The following ACAT1 variants were observed in gnomAD, a reference collection of about 807,000 sequenced individuals.
ACAT1 encodes the protein acetyl-CoA acetyltransferase 1.
Under a neutral mutation model 47.3 loss-of-function variants are expected in ACAT1, and 28 were observed. That is an observed-to-expected ratio of 0.59 (90% confidence interval 0.44 to 0.81). The LOEUF is 0.81. Ranked by LOEUF, ACAT1 falls within the 30% of genes least tolerant of loss-of-function variation. The probability of loss-of-function intolerance (pLI) is 0.00; values close to 1 mark genes in which losing one functional copy is unlikely to be tolerated. For missense variants in ACAT1, 469 were observed against 524.3 expected (o/e 0.89, Z 1.03); for synonymous variants, 181 against 173.6 (o/e 1.04, Z -0.34).
upstream of ACAT1, among the ~76,000 whole-genome samples, chr11:108,119,047 GTCAC>G (rs1221647460): frequency 6.6e-6 from 1 of 152,286 alleles, no homozygotes; most frequent in Admixed American, 6.5e-5. Flanking sequence ...TTGCAACTGT[GTCAC>G]TAACTACTAG....
chr11:108,136,681 C>CA (rs1405228649), intron 5 of ACAT1: 2 of 152,144 alleles, frequency 1.3e-5, no homozygotes, highest in Non-Finnish European at 2.9e-5. Flanking sequence ...CCTTAGAAAA[C>CA]AGTCAGTTTT....
chr11:108,125,875 G>A (rs1357416149), intron 1 of ACAT1, among the ~76,000 whole-genome samples: 2 of 150,624 alleles, frequency 1.3e-5, no homozygotes, highest in African/African-American at 2.4e-5. Context: ...GCAGTGAGCC[G>A]AGATCGCGCC....
intron 5 of ACAT1, among the ~76,000 whole-genome samples, chr11:108,137,300 G>A (rs1372931849): frequency 6.6e-6 from 1 of 152,156 alleles, no homozygotes; most frequent in East Asian, 1.9e-4. Context: ...TGGTGTCTCT[G>A]GAGAGCTTTA....
chr11:108,146,066 A>T, intron 10 of ACAT1, 136 bp from the exon 11 acceptor site: 1 of 833,436 alleles, frequency 1.2e-6, no homozygotes, highest in Non-Finnish European at 1.9e-6. Flanking sequence ...ATCTGAAAAT[A>T]GAGATCCTTC....
intron 1 of ACAT1, chr11:108,128,002 C>G (rs2077284822): frequency 6.6e-6 from 1 of 151,606 alleles, no homozygotes; most frequent in Non-Finnish European, 1.5e-5. Flanking sequence ...GACTCTGTCT[C>G]TACAAAACAA....
intron 1 of ACAT1, among the ~76,000 whole-genome samples, chr11:108,122,629 A>G (rs970456494): frequency 1.3e-5 from 2 of 152,348 alleles, no homozygotes. Flanking sequence ...AAGAGATTGT[A>G]AAAGAACCAG....
At chr11:108,120,601 G>A (rs1390254292), upstream of ACAT1, among the ~76,000 whole-genome samples, 5 of 151,946 alleles carry the variant, frequency 3.3e-5, no homozygotes, top group African/African-American at 4.8e-5. Context: ...GTTTTCTCTC[G>A]TTTCTGTGGA....
upstream of ACAT1, among the ~76,000 whole-genome samples, chr11:108,120,048 G>A (rs747379042): frequency 1.3e-5 from 2 of 151,876 alleles, no homozygotes; most frequent in Admixed American, 6.6e-5. Context: ...GTGAAAACCC[G>A]TCTCTACTAA....
chr11:108,146,420 T>C, intron 11 of ACAT1, 61 bp downstream of exon 11: 1 of 1,572,870 alleles, frequency 6.4e-7, no homozygotes, highest in Non-Finnish European at 8.7e-7. Flanking sequence ...TAGCTAAACT[T>C]AAAACTGCTT....
At chr11:108,132,415 C>CA (rs1266278545) in intron 2 of ACAT1, among the ~76,000 whole-genome samples, 2 of 152,170 alleles carry the variant, frequency 1.3e-5, no homozygotes, top group African/African-American at 4.8e-5. Flanking sequence ...TCTAAGCAAC[C>CA]ATTCTGTTAT....
intron 7 of ACAT1, 85 bp from the exon 8 acceptor site, chr11:108,141,520 C>G: frequency 1.0e-6 from 1 of 963,106 alleles, no homozygotes; most frequent in Non-Finnish European, 1.6e-6. Context: ...AAGGGAGGCA[C>G]AGACTACTAG....
At position 108,131,839 on chromosome 11, in the gene ACAT1, C is replaced by G; in HGVS notation, c.73-68C>G. 4 of 747,954 alleles carry G rather than the reference C, an allele frequency of 5.3e-6. No homozygotes were observed. In the South Asian group the frequency reaches 1.1e-4, roughly 20 times the overall value. 46.3% of individuals were successfully genotyped at this position (747,954 alleles called of 1,614,324 possible). A position where few individuals can be genotyped will look rare whatever the true frequency, so the allele number is the denominator to read the frequency against. ...GGAAGAAACCACTATAACCTTATCA[C>G]TGAGAAATATAAAATGATATAGTTT... is the stretch of plus-strand genomic sequence containing the variant. On this transcript the variant is annotated intron_variant, in intron 1 of 11. Coordinates refer to ENST00000265838, the MANE Select transcript of ACAT1 (RefSeq NM_000019.4).
chr11:108,141,306 G>A (rs974465822), intron 7 of ACAT1, among the ~76,000 whole-genome samples: 7 of 146,482 alleles, frequency 4.8e-5, no homozygotes, highest in African/African-American at 1.8e-4. Context: ...GATCACATGG[G>A]CCTGGAGAGG....
upstream of ACAT1, among the ~76,000 whole-genome samples, chr11:108,118,206 G>T (rs1004735112): frequency 1.3e-5 from 2 of 152,100 alleles, no homozygotes; most frequent in Non-Finnish European, 2.9e-5. Flanking sequence ...CTTGGGCCCA[G>T]GAGTTGGAGA....
At chr11:108,137,015 T>C (rs1232000638) in intron 5 of ACAT1, 4 of 152,240 alleles carry the variant, frequency 2.6e-5, no homozygotes, top group African/African-American at 9.6e-5. Context: ...TAAACTTATA[T>C]ATGCCAGTTG....
chr11:108,146,779 C>CTT (rs901145940), intron 11 of ACAT1, among the ~76,000 whole-genome samples: 2 of 152,144 alleles, frequency 1.3e-5, no homozygotes, highest in African/African-American at 2.4e-5. Flanking sequence ...CTGTTCTGTA[C>CTT]TTTTAAAAGA....
chr11:108,132,020 T>C (rs1195593495), intron 2 of ACAT1, 66 bp downstream of exon 2: 4 of 999,944 alleles, frequency 4.0e-6, no homozygotes, highest in Non-Finnish European at 6.3e-6. Context: ...AAAATGCATA[T>C]ACTTATGATT....
intron 1 of ACAT1, 79 bp from the exon 2 acceptor site, chr11:108,131,828 T>TA (rs2077365818): frequency 4.6e-6 from 3 of 659,032 alleles, no homozygotes; most frequent in Non-Finnish European, 7.0e-6. Context: ...GAAACCACTA[T>TA]AACCTTATCA....
chr11:108,142,913 ATATTAAG>A (rs1257323806), intron 9 of ACAT1: 4 of 248,798 alleles, frequency 1.6e-5, no homozygotes, highest in Non-Finnish European at 3.2e-5. Flanking sequence ...GCCAACTCCA[ATATTAAG>A]TATTACTACC....
Sources: gnomAD v4.1 joint callset for allele counts (sites outside exome capture counted in the v4.1 genomes callset) on GRCh38, gnomAD v4.1.1 for gene constraint, MANE v1.5 for transcripts, NCBI Gene and HGNC (gene_info 2026-07-23, HGNC 2026-07-21) for gene names.